KLHL22: variants seen among roughly 807,000 people sequenced by gnomAD.
KLHL22 encodes kelch-like protein 22.
In KLHL22, 18 loss-of-function variants were observed where a neutral mutation model predicts 60.7. That is an observed-to-expected ratio of 0.30 (90% CI 0.20 to 0.44). The LOEUF is 0.44. Among genes scored for constraint, KLHL22 ranks in the 20% least tolerant of loss-of-function variants. KLHL22 has a pLI of 1.00. For synonymous variants in KLHL22, 355 were observed against 354.5 expected (o/e 1.00, Z -0.01); for missense variants, 596 against 852.3 (o/e 0.70, Z 3.74).
intron 5 of KLHL22, 115 bp from the exon 6 acceptor site, chr22:20,446,791 C>T: frequency 1.4e-6 from 1 of 735,806 alleles, no homozygotes; most frequent in South Asian, 1.6e-5. Flanking sequence ...TGAGGCTTCA[C>T]CACTTCCCAC....
At chr22:20,460,169 A>G (rs1338797953) in intron 4 of KLHL22, among the ~76,000 whole-genome samples, 1 of 152,174 alleles carries the variant, frequency 6.6e-6, no homozygotes, top group East Asian at 1.9e-4. Context: ...TCTTGTGTTC[A>G]GTCTGGCTCA....
intron 3 of KLHL22, among the ~76,000 whole-genome samples, chr22:20,467,721 C>T (rs562920993): frequency 1.7e-3 from 259 of 152,268 alleles, no homozygotes; most frequent in Non-Finnish European, 2.7e-3. Flanking sequence ...TGCAGTGGCA[C>T]GATCTCGGCT....
intron 5 of KLHL22, chr22:20,451,732 T>A (rs1341825255): frequency 6.4e-7 from 1 of 1,571,608 alleles, no homozygotes; most frequent in African/African-American, 1.4e-5. Context: ...TAGCATTGAA[T>A]GTTACAACCC....
chr22:20,482,787 C>A, intron 2 of KLHL22: 1 of 1,101,450 alleles, frequency 9.1e-7, no homozygotes, highest in Non-Finnish European at 1.4e-6. Context: ...GCCTCCTGCT[C>A]CCCAAAGGAT....
intron 2 of KLHL22, among the ~76,000 whole-genome samples, chr22:20,478,615 C>T (rs1295178676): frequency 3.5e-5 from 5 of 144,278 alleles, no homozygotes; most frequent in Non-Finnish European, 7.6e-5. Flanking sequence ...CCCAGGTTCA[C>T]GCCTTTCTCC....
Position 20,488,776 on chromosome 22 carries a change from G to A in KLHL22, c.227+209C>T. ...GAGAAGAGAGGGAAGAGAAGAGGAG[G>A]CAAAGCCCAAGAAACAGGATCACTG... On this transcript the variant is annotated intron_variant, in intron 2 of 6. Transcript: ENST00000328879. 4 of 589,720 alleles carry A rather than the reference G, an allele frequency of 6.8e-6. No individual in the cohort carries two copies. In the East Asian group the frequency reaches 1.1e-4, roughly 17 times the overall value. The allele number at this position is 589,720 out of a possible 1,614,324, so 36.5% of individuals were successfully genotyped here. A position where few individuals can be genotyped will look rare whatever the true frequency, so the allele number is the denominator to read the frequency against.
chr22:20,447,806 G>T (rs1049302414), intron 5 of KLHL22, among the ~76,000 whole-genome samples: 1 of 152,288 alleles, frequency 6.6e-6, no homozygotes, highest in African/African-American at 2.4e-5. Context: ...CTTCCAAAGT[G>T]CTAGGATTAT....
intron 4 of KLHL22, among the ~76,000 whole-genome samples, chr22:20,460,766 TATGAGA>T (rs2053142208): frequency 6.6e-6 from 1 of 152,218 alleles, no homozygotes; most frequent in African/African-American, 2.4e-5. Context: ...TTTTCTACTT[TATGAGA>T]ATAAGTCCTC....
At chr22:20,493,043 T>C in intron 1 of KLHL22, 1 of 410,230 alleles carries the variant, frequency 2.4e-6, no homozygotes, top group Non-Finnish European at 5.0e-6. Flanking sequence ...CGCCTCAGCT[T>C]TCTCATCACC....
intron 1 of KLHL22, among the ~76,000 whole-genome samples, chr22:20,492,812 G>A (rs1309808568): frequency 1.3e-5 from 2 of 152,068 alleles, no homozygotes; most frequent in East Asian, 1.9e-4. Context: ...GGCTGGTCTC[G>A]CATTCCTGAC....
At chr22:20,463,348 A>G (rs966628302) in intron 4 of KLHL22, among the ~76,000 whole-genome samples, 1 of 152,262 alleles carries the variant, frequency 6.6e-6, no homozygotes, top group Non-Finnish European at 1.5e-5. Flanking sequence ...GGGGAAATTC[A>G]GACTCCTACT....
At chr22:20,471,221 G>A (rs370186049) in intron 3 of KLHL22, 129 bp downstream of exon 3, 45 of 846,984 alleles carry the variant, frequency 5.3e-5, no homozygotes, top group African/African-American at 3.1e-4. Flanking sequence ...CATGGCCTTC[G>A]TCACTGCTTG....
intron 5 of KLHL22, among the ~76,000 whole-genome samples, chr22:20,453,626 T>A (rs1260133990): frequency 6.6e-6 from 1 of 152,244 alleles, no homozygotes; most frequent in African/African-American, 2.4e-5. Context: ...TTTGAGCTAT[T>A]CTAGTTCCTT....
At chr22:20,485,154 G>A (rs1376788325) in intron 2 of KLHL22, among the ~76,000 whole-genome samples, 2 of 152,142 alleles carry the variant, frequency 1.3e-5, no homozygotes, top group African/African-American at 4.8e-5. Context: ...TTCACAGATG[G>A]AATGAAAACT....
chr22:20,475,511 G>A (rs183850505), intron 2 of KLHL22, among the ~76,000 whole-genome samples: 8 of 151,098 alleles, frequency 5.3e-5, no homozygotes, highest in Middle Eastern at 3.5e-3. Context: ...TGAAGCAAGG[G>A]TCCAACTTTG....
At chr22:20,448,767 T>C (rs1213873505) in intron 5 of KLHL22, among the ~76,000 whole-genome samples, 2 of 152,088 alleles carry the variant, frequency 1.3e-5, no homozygotes, top group Admixed American at 1.3e-4. Flanking sequence ...CTGGGATAAA[T>C]ACCCAGGATG....
chr22:20,442,495 C>A, intron 6 of KLHL22, 57 bp from the exon 7 acceptor site: 1 of 1,501,334 alleles, frequency 6.7e-7, no homozygotes. Context: ...GCTGCCAGCT[C>A]CCCCACAAGC....
intron 2 of KLHL22, among the ~76,000 whole-genome samples, chr22:20,474,191 G>A (rs917214808): frequency 5.3e-5 from 8 of 151,942 alleles, no homozygotes; most frequent in African/African-American, 1.5e-4. Context: ...AGTAGAGACC[G>A]GGTTTCACCG....
Position 20,465,741 on chromosome 22 carries a change from T to A in KLHL22, c.394-165A>T. The A allele has an allele frequency of 1.6e-6, 1 of 616,632 alleles. No homozygotes were observed. The highest frequency in any genetic ancestry group is 2.9e-6 in the Non-Finnish European group (1 of 344,242). 38.2% of individuals were successfully genotyped at this position (616,632 alleles called of 1,614,324 possible). On this transcript the variant is annotated intron_variant, in intron 3 of 6. Coordinates refer to ENST00000328879, the MANE Select transcript of KLHL22 (RefSeq NM_032775.4). This position sits in a 1 kb window ranked among gnomAD's most constrained non-coding sequence, Gnocchi z 4.9. ...TTCTGACACACTGGAGACTGGGGCTTACTGCAGACTAGGTTTAAGTCCTGG... is the reference window on the plus strand; with the variant it reads ...TTCTGACACACTGGAGACTGGGGCTAACTGCAGACTAGGTTTAAGTCCTGG...
Sources: gnomAD v4.1 joint callset for allele counts (sites outside exome capture counted in the v4.1 genomes callset) on GRCh38, gnomAD v4.1.1 for gene constraint, Gnocchi (gnomAD v3.1) non-coding constraint, MANE v1.5 for transcripts, NCBI Gene and HGNC (gene_info 2026-07-23, HGNC 2026-07-21) for gene names.